The following SPAG16 variants were observed in gnomAD, a reference collection of about 807,000 sequenced individuals.
SPAG16 encodes the protein sperm associated antigen 16, also known as sperm-associated antigen 16 protein.
In SPAG16, 86 loss-of-function variants were observed where a neutral mutation model predicts 80.4. The observed-to-expected ratio is 1.07, with a 90% confidence interval of 0.90 to 1.28. SPAG16 has a LOEUF of 1.28. SPAG16 is among the 50% of genes most tolerant of loss of function. The pLI is 0.00. For missense variants in SPAG16, 870 were observed against 765.3 expected (o/e 1.14, Z -1.61); for synonymous variants, 294 against 265.9 (o/e 1.11, Z -1.03).
intron 15 of SPAG16, among the ~76,000 whole-genome samples, chr2:214,390,514 C>G (rs1335432593): frequency 6.6e-6 from 1 of 152,098 alleles, no homozygotes; most frequent in Non-Finnish European, 1.5e-5. Flanking sequence ...ACTTTGAGCA[C>G]AAACTGGTTA....
intron 10 of SPAG16, among the ~76,000 whole-genome samples, chr2:213,643,102 A>G (rs1268837370): frequency 6.6e-6 from 1 of 150,440 alleles, no homozygotes; most frequent in Non-Finnish European, 1.5e-5. Context: ...TTGTCCCGCT[A>G]GAGAACTCTG....
chr2:214,234,326 G>A (rs1193067592), intron 15 of SPAG16, among the ~76,000 whole-genome samples: 1 of 152,012 alleles, frequency 6.6e-6, no homozygotes, highest in East Asian at 1.9e-4. Flanking sequence ...CTTTGCTATT[G>A]TGAATAGTGC....
At chr2:213,712,036 T>A (rs1422683384) in intron 10 of SPAG16, among the ~76,000 whole-genome samples, 5 of 152,036 alleles carry the variant, frequency 3.3e-5, no homozygotes, top group African/African-American at 1.2e-4. Flanking sequence ...CAAATGGCAT[T>A]CTCAGGAGGG....
At chr2:214,030,898 G>A (rs182742677) in intron 13 of SPAG16, among the ~76,000 whole-genome samples, 2 of 152,194 alleles carry the variant, frequency 1.3e-5, no homozygotes, top group Admixed American at 1.3e-4. Flanking sequence ...ATGTCCCTGG[G>A]GACAGGTAGA....
rs191135537 is a variant in SPAG16, at chr2:213,681,635, A to T, written c.1071-180850A>T. 2.4e-3 allele frequency among the ~76,000 whole-genome samples: 360 copies of T among 152,306 alleles called. 1 individual carries two copies. The highest frequency in any genetic ancestry group is 8.4e-3 in the African/African-American group (351 of 41,562). On this transcript the variant is annotated intron_variant, in intron 10 of 15. Coordinates refer to ENST00000331683, the MANE Select transcript of SPAG16 (RefSeq NM_024532.5). ...AGCTAAAATAGATGTGGAGACACAT[A>T]ACAAAACATGGCTAAATAAAGAAGC...
chr2:213,313,661 G>A (rs1371500814), intron 4 of SPAG16, among the ~76,000 whole-genome samples: 1 of 151,784 alleles, frequency 6.6e-6, no homozygotes, highest in Non-Finnish European at 1.5e-5. Flanking sequence ...TTTTGGCTTG[G>A]CTGGATACTA....
intron 9 of SPAG16, among the ~76,000 whole-genome samples, chr2:213,444,646 C>T (rs1327249725): frequency 6.6e-6 from 1 of 151,748 alleles, no homozygotes; most frequent in Non-Finnish European, 1.5e-5. Flanking sequence ...ATTTTTTGTT[C>T]CCTCTTTTAT....
At chr2:214,110,969 TTGATG>T (rs916353100) in intron 14 of SPAG16, among the ~76,000 whole-genome samples, 7 of 152,182 alleles carry the variant, frequency 4.6e-5, no homozygotes, top group Admixed American at 1.3e-4. Context: ...TGCCCACTTT[TTGATG>T]GGATTTTTTT....
At chr2:214,347,151 C>A (rs144134906) in intron 15 of SPAG16, among the ~76,000 whole-genome samples, 3,712 of 152,204 alleles carry the variant, frequency 0.024, 70 homozygotes, top group Non-Finnish European at 0.039. Context: ...AGAAAGCAGA[C>A]CCTGGCTACG....
chr2:213,739,745 G>A (rs1022066083), intron 10 of SPAG16, among the ~76,000 whole-genome samples: 3 of 152,114 alleles, frequency 2.0e-5, no homozygotes, highest in Non-Finnish European at 4.4e-5. Flanking sequence ...GGGACCACAG[G>A]CATGGGCCAC....
At chr2:213,808,041 A>T (rs2071881817) in intron 10 of SPAG16, among the ~76,000 whole-genome samples, 4 of 152,224 alleles carry the variant, frequency 2.6e-5, no homozygotes, top group Admixed American at 2.0e-4. Context: ...CACGGAAAGA[A>T]TGAGACACTG....
intron 10 of SPAG16, among the ~76,000 whole-genome samples, chr2:213,677,797 C>G (rs2064164179): frequency 6.6e-6 from 1 of 152,152 alleles, no homozygotes; most frequent in Non-Finnish European, 1.5e-5. Context: ...GTCTCCACCC[C>G]AAATCAACAG....
At chr2:214,291,114 C>T (rs1393410198) in intron 15 of SPAG16, among the ~76,000 whole-genome samples, 1 of 151,622 alleles carries the variant, frequency 6.6e-6, no homozygotes, top group African/African-American at 2.4e-5. Context: ...TATATAATGG[C>T]CTTTGTTTTT....
At chr2:214,180,703 T>C (rs1269728118) in intron 15 of SPAG16, among the ~76,000 whole-genome samples, 1 of 151,698 alleles carries the variant, frequency 6.6e-6, no homozygotes, top group Non-Finnish European at 1.5e-5. Context: ...CCTAGACACA[T>C]ATTTTTATAA....
chr2:213,693,926 G>C (rs2065049751), intron 10 of SPAG16, among the ~76,000 whole-genome samples: 2 of 152,052 alleles, frequency 1.3e-5, no homozygotes, highest in Admixed American at 1.3e-4. Flanking sequence ...TAGATTGTGA[G>C]ACCAGGGATG....
chr2:214,147,904 A>G (rs1260505690), intron 14 of SPAG16, among the ~76,000 whole-genome samples: 1 of 152,214 alleles, frequency 6.6e-6, no homozygotes, highest in Non-Finnish European at 1.5e-5. Context: ...CAGAAAGAAT[A>G]GAAATCAAGG....
intron 10 of SPAG16, among the ~76,000 whole-genome samples, chr2:213,628,659 T>C (rs550570580): frequency 4.6e-4 from 70 of 152,242 alleles, no homozygotes; most frequent in Admixed American, 2.4e-3. Flanking sequence ...CTTGATTGCT[T>C]TGAAAAGTTT....
At chr2:213,649,006 G>A (rs902246818) in intron 10 of SPAG16, among the ~76,000 whole-genome samples, 3 of 152,138 alleles carry the variant, frequency 2.0e-5, no homozygotes, top group Non-Finnish European at 4.4e-5. Context: ...TAAGATAATT[G>A]ATACATGTAT....
rs931320047 is a variant in SPAG16, at chr2:213,533,301, C to T, written c.1070+43211C>T. On this transcript the variant is annotated intron_variant, in intron 10 of 15. Coordinates refer to ENST00000331683, the MANE Select transcript of SPAG16 (RefSeq NM_024532.5). The stretch of plus-strand genomic sequence containing the variant: ...AGGCCAGATTAAGCAGAAGGATGCT[C>T]AAATTTCTCCTCCCTCCTCCTATGC... Among the ~76,000 whole-genome samples the T allele has an allele frequency of 3.3e-5, 5 of 152,144 alleles. 1 individual carries two copies. Among genetic ancestry groups the T allele is most frequent in the African/African-American group, 1.2e-4 (5 of 41,428 alleles).
Sources: allele counts gnomAD v4.1 joint callset (sites outside exome capture counted in the v4.1 genomes callset), GRCh38; gene constraint gnomAD v4.1.1; transcripts MANE v1.5; gene names NCBI Gene and HGNC (gene_info 2026-07-23, HGNC 2026-07-21).